The following CALN1 variants were observed in gnomAD, a reference collection of about 807,000 sequenced individuals.
The protein encoded by CALN1 is calcium-binding protein 8.
Under a neutral mutation model 30.6 loss-of-function variants are expected in CALN1, and 17 were observed. The observed-to-expected ratio is 0.56, with a 90% CI of 0.38 to 0.83. CALN1 has a LOEUF of 0.83. Ranked by LOEUF, CALN1 falls within the 40% of genes least tolerant of loss-of-function variation. The probability of loss-of-function intolerance (pLI) is 0.00; values close to 1 mark genes in which losing one functional copy is unlikely to be tolerated. For synonymous variants in CALN1, 156 were observed against 131.4 expected, an observed-to-expected ratio of 1.19 and a Z score of -1.28; for missense variants, 291 against 354.9, an observed-to-expected ratio of 0.82 and a Z score of 1.45.
intron 1 of CALN1, among the ~76,000 whole-genome samples, chr7:72,403,753 C>G (rs900080289): frequency 6.6e-6 from 1 of 152,162 alleles, no homozygotes; most frequent in African/African-American, 2.4e-5. Context: ...GTGGAGAAAG[C>G]TATAGCCGCC....
At chr7:71,967,417 C>T (rs1373697703) in intron 5 of CALN1, among the ~76,000 whole-genome samples, 1 of 151,814 alleles carries the variant, frequency 6.6e-6, no homozygotes, top group Non-Finnish European at 1.5e-5. Flanking sequence ...GGCTTTAACT[C>T]AGGAGTTCCA....
At chr7:72,147,796 T>C (rs974788483) in intron 3 of CALN1, among the ~76,000 whole-genome samples, 1 of 151,866 alleles carries the variant, frequency 6.6e-6, no homozygotes, top group Admixed American at 6.6e-5. Context: ...ATGTCCTTTG[T>C]AGGGACATGG....
intron 4 of CALN1, among the ~76,000 whole-genome samples, chr7:72,090,344 C>T (rs1232002045): frequency 1.3e-5 from 2 of 152,072 alleles, no homozygotes; most frequent in African/African-American, 4.8e-5. Flanking sequence ...TTAAAAATCC[C>T]AGTGACTCGG....
chr7:72,492,265 G>C, the CALN1 span, among the ~76,000 whole-genome samples: 1 of 152,308 alleles, frequency 6.6e-6, no homozygotes, highest in Admixed American at 6.5e-5. Context: ...CTAAGCCTTG[G>C]TTTCCCATAT....
chr7:72,172,369 A>G (rs1789032438), intron 3 of CALN1, among the ~76,000 whole-genome samples: 1 of 152,216 alleles, frequency 6.6e-6, no homozygotes, highest in Admixed American at 6.5e-5. Context: ...CACAGCAACC[A>G]GTGATGGAGA....
chr7:71,828,987 GATCC>G, intron 5 of CALN1, among the ~76,000 whole-genome samples: 1 of 151,930 alleles, frequency 6.6e-6, no homozygotes, highest in Non-Finnish European at 1.5e-5. Flanking sequence ...GACCTCAGGT[GATCC>G]ATCTCGGCCT....
intron 4 of CALN1, among the ~76,000 whole-genome samples, chr7:72,043,934 G>T (rs1175842826): frequency 6.6e-6 from 1 of 152,162 alleles, no homozygotes; most frequent in East Asian, 1.9e-4. Flanking sequence ...ATGTTGGCAG[G>T]CAAAGGAGAG....
At chr7:72,409,723 G>A (rs1806981920) in intron 1 of CALN1, among the ~76,000 whole-genome samples, 1 of 152,046 alleles carries the variant, frequency 6.6e-6, no homozygotes, top group Admixed American at 6.5e-5. Flanking sequence ...CATAAGCATG[G>A]GTTAAATGGT....
At chr7:72,077,910 G>C (rs930591075) in intron 4 of CALN1, among the ~76,000 whole-genome samples, 4 of 152,162 alleles carry the variant, frequency 2.6e-5, no homozygotes, top group Non-Finnish European at 5.9e-5. Flanking sequence ...AAACATCGAG[G>C]CTCCTCCTGC....
intron 6 of CALN1, among the ~76,000 whole-genome samples, chr7:71,789,781 GA>G (rs1244997397): frequency 6.6e-6 from 1 of 152,040 alleles, no homozygotes; most frequent in Non-Finnish European, 1.5e-5. Flanking sequence ...TGAATTAGCG[GA>G]TATTAATATG....
the CALN1 span, among the ~76,000 whole-genome samples, chr7:72,487,762 GGTAAAGA>G: frequency 5.1e-4 from 50 of 98,436 alleles, no homozygotes; most frequent in African/African-American, 1.3e-3. Context: ...AGGAAGGAAG[GGTAAAGA>G]AAGAAAGAAA....
chr7:72,381,243 G>A (rs940424421), intron 2 of CALN1, among the ~76,000 whole-genome samples: 2 of 152,196 alleles, frequency 1.3e-5, no homozygotes, highest in Non-Finnish European at 2.9e-5. Flanking sequence ...TGGTGAGAGT[G>A]TAAATTAGTT....
intron 3 of CALN1, among the ~76,000 whole-genome samples, chr7:72,134,372 A>G (rs1463791126): frequency 2.6e-5 from 4 of 152,220 alleles, no homozygotes; most frequent in Non-Finnish European, 4.4e-5. Flanking sequence ...AAACCTAAGG[A>G]AACTTTTCAG....
the CALN1 span, among the ~76,000 whole-genome samples, chr7:72,457,773 T>G: frequency 1.3e-5 from 2 of 150,504 alleles, no homozygotes; most frequent in African/African-American, 2.4e-5. Context: ...TTTTTTTTTT[T>G]GAGACAGGGT....
chr7:72,292,820 C>CAAA (rs57352664), intron 2 of CALN1, among the ~76,000 whole-genome samples: 1,661 of 112,792 alleles, frequency 0.015, 44 homozygotes, highest in South Asian at 0.021. Context: ...TACTCTGTCT[C>CAAA]AAAAAAAAAA....
At chr7:71,790,281 A>G (rs1251948852) in intron 6 of CALN1, among the ~76,000 whole-genome samples, 1 of 151,308 alleles carries the variant, frequency 6.6e-6, no homozygotes. Context: ...AGCAAGCAAG[A>G]AAGAAACGAA....
intron 2 of CALN1, among the ~76,000 whole-genome samples, chr7:72,401,750 C>A (rs1422094595): frequency 6.6e-6 from 1 of 152,160 alleles, no homozygotes; most frequent in Non-Finnish European, 1.5e-5. Context: ...GTGTGTTGAG[C>A]AAAAAGATTT....
intron 2 of CALN1, among the ~76,000 whole-genome samples, chr7:72,358,458 G>A (rs769585684): frequency 6.7e-6 from 1 of 150,150 alleles, no homozygotes; most frequent in Non-Finnish European, 1.5e-5. Context: ...CCCGCAGAGA[G>A]CACTGACTTT....
intron 1 of CALN1, among the ~76,000 whole-genome samples, chr7:72,423,929 GA>G (rs1807706855): frequency 9.5e-5 from 10 of 104,938 alleles, no homozygotes; most frequent in Non-Finnish European, 1.4e-4. Flanking sequence ...AAGAGAAAAA[GA>G]AAGAAGAGAA....
Sources: gnomAD v4.1 joint callset for allele counts (sites outside exome capture counted in the v4.1 genomes callset) on GRCh38, gnomAD v4.1.1 for gene constraint, MANE v1.5 for transcripts, NCBI Gene and HGNC (gene_info 2026-07-23, HGNC 2026-07-21) for gene names.